Variants in MYOM2 observed in about 807,000 individuals in gnomAD.
MYOM2 encodes the protein myomesin 2.
MYOM2 carries 254 observed loss-of-function variants against 187.6 expected under a neutral mutation model. The observed-to-expected ratio is 1.35, with a 90% CI of 1.22 to 1.50. The LOEUF (loss-of-function observed/expected upper bound fraction) is 1.50. Ranked by LOEUF, MYOM2 falls within the 40% of genes most tolerant of loss-of-function variation. MYOM2 has a pLI of 0.00. For missense variants in MYOM2, 2,796 were observed against 1,924.0 expected (o/e 1.45, Z -8.48); for synonymous variants, 981 against 753.8 (o/e 1.30, Z -4.94).
At chr8:2,076,355 A>C in intron 11 of MYOM2, 73 bp downstream of exon 11, 1 of 1,540,914 alleles carries the variant, frequency 6.5e-7, no homozygotes, top group African/African-American at 1.4e-5. Context: ...ATATTGAGAA[A>C]TTTTTCTCAA....
intron 25 of MYOM2, among the ~76,000 whole-genome samples, chr8:2,111,756 TAATCTCCCTCCCTC>T: frequency 6.6e-6 from 1 of 152,282 alleles, no homozygotes. Flanking sequence ...TTTCTTAAAA[TAATCTCCCTCCCTC>T]AAAAACAGTC....
chr8:2,055,033 G>T (rs1475087610), intron 3 of MYOM2, among the ~76,000 whole-genome samples: 1 of 118,980 alleles, frequency 8.4e-6, no homozygotes, highest in Non-Finnish European at 2.0e-5. Flanking sequence ...CTGGATACTG[G>T]GGAACCAAGT....
chr8:2,092,210 T>A (rs1796327489), intron 15 of MYOM2, 136 bp from the exon 16 acceptor site: 1 of 1,053,584 alleles, frequency 9.5e-7, no homozygotes, highest in Non-Finnish European at 1.4e-6. Flanking sequence ...CTCCTACTCC[T>A]GGACCCCTTG....
At chr8:2,060,067 G>A (rs1184068739) in intron 6 of MYOM2, among the ~76,000 whole-genome samples, 2 of 152,184 alleles carry the variant, frequency 1.3e-5, no homozygotes, top group African/African-American at 4.8e-5. Context: ...TTAAATAAAA[G>A]TGAGACACTG....
chr8:2,141,236 T>A, intron 34 of MYOM2, 59 bp downstream of exon 34: 2 of 1,496,474 alleles, frequency 1.3e-6, no homozygotes, highest in African/African-American at 1.4e-5. Context: ...CCCAGTCGTT[T>A]TGGCTGCATG....
At position 2,086,303 on chromosome 8, in the gene MYOM2, GCC is replaced by G. The variant is rs1239611042; in HGVS notation, c.1644+918_1644+919del. Among the ~76,000 whole-genome samples, 747 of 127,786 alleles carry G rather than the reference GCC, an allele frequency of 5.8e-3. 110 individuals carry two copies. The highest frequency in any genetic ancestry group is 6.6e-3 in the Non-Finnish European group (397 of 60,606). The allele number at this position is 127,786 out of a possible 152,430, so 83.8% of individuals were successfully genotyped here. On this transcript the variant is annotated intron_variant, in intron 14 of 36. Transcript: ENST00000262113. ...ACCCCACTGTCGTGATCTCCGCGTG[GCC>G]CCCCACAGTCGTGATCTCTGCGTGG...
intron 3 of MYOM2, among the ~76,000 whole-genome samples, chr8:2,054,687 C>T (rs1393575618): frequency 6.6e-6 from 1 of 152,150 alleles, no homozygotes; most frequent in African/African-American, 2.4e-5. Context: ...GAAAAGTAAA[C>T]GGTGTCAAGA....
intron 25 of MYOM2, among the ~76,000 whole-genome samples, chr8:2,115,231 A>G (rs2116832758): frequency 6.6e-6 from 1 of 152,256 alleles, no homozygotes; most frequent in African/African-American, 2.4e-5. Flanking sequence ...AAAGATGGGG[A>G]AAATGGTTTT....
intron 11 of MYOM2, among the ~76,000 whole-genome samples, chr8:2,076,941 C>A (rs982787445): frequency 6.6e-6 from 1 of 152,118 alleles, no homozygotes; most frequent in Non-Finnish European, 1.5e-5. Context: ...GTAATTTATG[C>A]CCTAAATACA....
rs140424630 is a variant in MYOM2 at position 2,045,777 on chromosome 8, C to G, written c.-13+609C>G. ...CCCTTCAGACTTCTTCAGCTCCACT[C>G]CGCTGATAGAGGCTGTGCCTTCTCA... is the stretch of plus-strand genomic sequence containing the variant. On this transcript the variant is annotated intron_variant, in intron 1 of 36. Coordinates refer to ENST00000262113, the MANE Select transcript of MYOM2 (RefSeq NM_003970.4). Among the ~76,000 whole-genome samples the G allele has an allele frequency of 4.1e-3, 618 of 152,338 alleles. 5 individuals are homozygous for G. Among genetic ancestry groups the G allele is most frequent in the African/African-American group, 0.01 (433 of 41,570 alleles).
In MYOM2 at chr8:2,072,350, C is replaced by G; in HGVS notation, c.799C>G (p.Leu267Val). 6.2e-7 allele frequency: 1 copy of G among 1,614,000 alleles called. No individual in the cohort carries two copies. The highest frequency in any genetic ancestry group is 1.3e-5 in the African/African-American group (1 of 74,988). The change falls in exon 9 of 37, where the codon CTG (leucine) becomes GTG (valine). Residue 267 changes from leucine to valine, a missense_variant. Leu to Val is a conservative substitution (Grantham distance 32). Coordinates refer to ENST00000262113, the MANE Select transcript of MYOM2 (RefSeq NM_003970.4). ...CCTCCATCGTTTCTGTGCAGTGCCC[C>G]TGTCATCGATGATTCCGTACACGCA... Reference protein sequence around the residue: ...RSVGLPIGLPLSSMIPYTHFD... With the variant: ...RSVGLPIGLPVSSMIPYTHFD...
intron 28 of MYOM2, among the ~76,000 whole-genome samples, chr8:2,120,402 G>A (rs1401143273): frequency 6.6e-6 from 1 of 151,558 alleles, no homozygotes; most frequent in South Asian, 2.1e-4. Context: ...GCTTGTTGAT[G>A]AGCCTAAGTG....
Position 2,102,692 on chromosome 8 carries a change from C to T in MYOM2, c.2645C>T (p.Thr882Ile), listed in dbSNP as rs755833925. Residue 882 changes from threonine (T) to isoleucine (I), a missense_variant, in exon 21 of 37, where the codon ACC (threonine) becomes ATC (isoleucine). By Grantham distance (89) the Thr-to-Ile change is moderately conservative. Coordinates refer to ENST00000262113, the MANE Select transcript of MYOM2 (RefSeq NM_003970.4). ...LKVSDLQQGK[T>I]YVFRVRAVNA... ...GTCTCTGACCTGCAGCAAGGTAAGA[C>T]CTATGTCTTCAGGGTCCGGGCAGTC... The T allele has an allele frequency of 5.0e-6, 8 of 1,613,746 alleles. No individual in the cohort carries two copies. Among genetic ancestry groups the T allele is most frequent in the Non-Finnish European group, 6.8e-6 (8 of 1,179,638 alleles).
At chr8:2,139,224 T>C (rs1367485049) in intron 32 of MYOM2, among the ~76,000 whole-genome samples, 1 of 152,232 alleles carries the variant, frequency 6.6e-6, no homozygotes, top group African/African-American at 2.4e-5. Context: ...CACTGCAGCC[T>C]TGACCTCCTC....
chr8:2,090,579 C>T (rs1796263851), intron 15 of MYOM2, among the ~76,000 whole-genome samples: 1 of 152,268 alleles, frequency 6.6e-6, no homozygotes, highest in South Asian at 2.1e-4. Flanking sequence ...AGGTACCAAG[C>T]CTAGTAGCCA....
In MYOM2 at chr8:2,092,405, G is replaced by C. The variant is rs764852724; in HGVS notation, c.1888G>C (p.Val630Leu). 6.8e-6 allele frequency: 11 copies of C among 1,614,052 alleles called. No homozygotes were observed. The highest frequency in any genetic ancestry group is 9.3e-6 in the Non-Finnish European group (11 of 1,180,026). ...CCGAAACACCAAGACGTCGGTGGTGGTGCAGTGGGACCGACCTAAGCATGA... is the reference window on the plus strand; with the variant it reads ...CCGAAACACCAAGACGTCGGTGGTGCTGCAGTGGGACCGACCTAAGCATGA... ...ASRNTKTSVV[V>L]QWDRPKHEED... The change falls in exon 16 of 37, where the codon GTG becomes CTG. Residue 630 changes from valine to leucine, a missense_variant. Transcript: ENST00000262113.
At chr8:2,143,349 C>T (rs1320883682) in intron 35 of MYOM2, 52 bp from the exon 36 acceptor site, 41 of 1,608,368 alleles carry the variant, frequency 2.5e-5, no homozygotes, top group Middle Eastern at 1.6e-4. Flanking sequence ...GCTCCTGCTC[C>T]GTGGGAACGT....
chr8:2,101,269 C>T (rs1796700796), intron 20 of MYOM2, among the ~76,000 whole-genome samples: 1 of 152,230 alleles, frequency 6.6e-6, no homozygotes, highest in Non-Finnish European at 1.5e-5. Flanking sequence ...AGGAGAATCG[C>T]TTGAACCCGG....
At chr8:2,141,562 A>C (rs1798274579) in intron 34 of MYOM2, among the ~76,000 whole-genome samples, 1 of 152,168 alleles carries the variant, frequency 6.6e-6, no homozygotes, top group South Asian at 2.1e-4. Context: ...AAGGGTATTT[A>C]AGGGTTCTGG....
Sources: allele counts gnomAD v4.1 joint callset (sites outside exome capture counted in the v4.1 genomes callset), GRCh38; gene constraint gnomAD v4.1.1; transcripts MANE v1.5; gene names NCBI Gene and HGNC (gene_info 2026-07-23, HGNC 2026-07-21).